FIZ1: variants seen among roughly 807,000 people sequenced by gnomAD.
FIZ1 encodes flt3-interacting zinc finger protein 1.
Under a neutral mutation model 5.3 loss-of-function variants are expected in FIZ1, and 2 were observed. The ratio of observed to expected loss-of-function variants is 0.37; its 90% confidence interval spans 0.15 to 1.18. FIZ1 has a LOEUF of 1.18. FIZ1 is among the 50% of genes most tolerant of loss of function. FIZ1 has a pLI of 0.37. For synonymous variants in FIZ1, 407 were observed against 364.2 expected, an observed-to-expected ratio of 1.12 and a Z score of -1.34; for missense variants, 631 against 749.7, an observed-to-expected ratio of 0.84 and a Z score of 1.85.
intron 2 of FIZ1, among the ~76,000 whole-genome samples, chr19:55,594,215 C>T (rs1980203110): frequency 6.6e-6 from 1 of 151,570 alleles, no homozygotes; most frequent in African/African-American, 2.4e-5. Context: ...ATGGTGAAAC[C>T]CTGCCTTTAC....
chr19:55,597,861 T>A lies in FIZ1; in HGVS notation c.5A>T (p.Asp2Val), dbSNP rs1980404629. 3 of 1,585,298 alleles carry A rather than the reference T, an allele frequency of 1.9e-6. No individual in the cohort carries two copies. In the South Asian group the frequency reaches 3.4e-5, roughly 18 times the overall value. ...TGCAGGGGTTGGGGCGGGGACGTCA[T>A]CCATGGTGGCGGGGAATACAGTGGT... M[D>V]DVPAPTPAPA... is the part of the protein sequence containing the mutation. The change falls in exon 2 of 3, where the codon GAT (aspartate) becomes GTT (valine). Residue 2 changes from aspartate (D) to valine (V), a missense_variant. Asp to Val is a radical substitution (Grantham distance 152, BLOSUM62 -3). Coordinates refer to ENST00000221665, the MANE Select transcript of FIZ1 (RefSeq NM_032836.3).
In FIZ1 at chr19:55,592,933, C is replaced by T. The variant is rs1378908834; in HGVS notation, c.1008G>A (p.Gly336=). ...SEDTLYQCDC[G]TFFASAAALA... ...GGGCCGCGGCCGACGCAAAGAAGGT[C>T]CCGCAGTCGCACTGGTACAGGGTGT... The change falls in exon 3 of 3, where the codon GGG becomes GGA. Residue 336 remains glycine (G), a synonymous_variant. Transcript: ENST00000221665. The surrounding 1 kb of genome is among the most constrained non-coding windows in gnomAD (Gnocchi z 6.9). The T allele has an allele frequency of 1.3e-6, 2 of 1,555,926 alleles. No individual in the cohort carries two copies. The highest frequency in any genetic ancestry group is 1.7e-6 in the Non-Finnish European group (2 of 1,158,970).
chr19:55,598,202 G>T, intron 1 of FIZ1: 1 of 352,852 alleles, frequency 2.8e-6, no homozygotes, highest in Non-Finnish European at 5.3e-6. Flanking sequence ...CCCTCCCACT[G>T]TAATTTAAGC....
Position 55,593,643 on chromosome 19 carries a change from C to T in FIZ1, c.298G>A (p.Val100Ile). The change falls in exon 3 of 3, where the codon GTC becomes ATC. Residue 100 changes from valine to isoleucine, a missense_variant. Coordinates refer to ENST00000221665, the MANE Select transcript of FIZ1 (RefSeq NM_032836.3). The surrounding 1 kb of genome is among the most constrained non-coding windows in gnomAD (Gnocchi z 6.3). ...DSTGLLHHQV[V>I]HTGEKPYCCL... ...CAGTAGGGTTTCTCACCAGTGTGGA[C>T]GACCTAGGGGTGCGGGAGGAAGGGC... 1 of 1,551,208 alleles carries T rather than the reference C, an allele frequency of 6.4e-7. No individual in the cohort carries two copies. The highest frequency in any genetic ancestry group is 8.7e-7 in the Non-Finnish European group (1 of 1,146,956).
intron 2 of FIZ1, among the ~76,000 whole-genome samples, chr19:55,596,696 T>C (rs1160458525): frequency 6.6e-6 from 1 of 152,196 alleles, no homozygotes; most frequent in Non-Finnish European, 1.5e-5. Context: ...GTTTGGAGAC[T>C]GAGTCTCGCT....
chr19:55,593,683 G>A lies in FIZ1; in HGVS notation c.295-37C>T. On this transcript the variant is annotated intron_variant, in intron 2 of 2. Transcript: ENST00000221665. The surrounding 1 kb of genome is among the most constrained non-coding windows in gnomAD (Gnocchi z 6.3). ...GGAGGAAGGGCACAACGTCAGGGCT[G>A]AGAACCTAGCCCGGACAACGGATTC... 6.5e-7 allele frequency: 1 copy of A among 1,532,092 alleles called. No homozygotes were observed. 94.9% of individuals were successfully genotyped at this position (1,532,092 alleles called of 1,614,324 possible). A position where few individuals can be genotyped will look rare whatever the true frequency, so the allele number is the denominator to read the frequency against.
rs750523044 is a variant in FIZ1, at chr19:55,597,805, C to A, written c.61G>T (p.Val21Phe). ...CCACATTCACTGCAGTGAAACGGGA[C>A]CCTGGGGGCGGCAGCGGCGGGCGGT... ...PAPPAAAAPRVPFHCSECGKS... is the reference protein window; with the variant it reads ...PAPPAAAAPRFPFHCSECGKS... The change falls in exon 2 of 3, where the codon GTC becomes TTC. Residue 21 changes from valine to phenylalanine, a missense_variant. Around this residue, in one of 4 missense-constraint regions of FIZ1, gnomAD observed 39 missense variants for 34.3 expected, o/e 1.14. Transcript: ENST00000221665. 1 of 1,613,308 alleles carries A rather than the reference C, an allele frequency of 6.2e-7. No homozygotes were observed. The highest frequency in any genetic ancestry group is 1.3e-5 in the African/African-American group (1 of 74,944).
At chr19:55,594,284 A>T (rs568901357) in intron 2 of FIZ1, among the ~76,000 whole-genome samples, 167 of 152,018 alleles carry the variant, frequency 1.1e-3, no homozygotes, top group African/African-American at 4.0e-3. Flanking sequence ...CTGTAGTCCC[A>T]GCCACTCAGG....
chr19:55,599,022 T>C, intron 1 of FIZ1: 1 of 152,650 alleles, frequency 6.6e-6, no homozygotes, highest in Non-Finnish European at 1.5e-5. Context: ...CTTCCACCCC[T>C]CAATCCAGGG....
chr19:55,597,479 C>A (rs1599991490), intron 2 of FIZ1, 93 bp downstream of exon 2: 1 of 1,470,552 alleles, frequency 6.8e-7, no homozygotes, highest in Non-Finnish European at 9.0e-7. Context: ...AGGCCTTGGG[C>A]CAGCTTCCTT....
At chr19:55,594,073 G>A (rs1980193426) in intron 2 of FIZ1, among the ~76,000 whole-genome samples, 1 of 151,808 alleles carries the variant, frequency 6.6e-6, no homozygotes, top group African/African-American at 2.4e-5. Flanking sequence ...GCATGACAGG[G>A]TGAGACTGTG....
At position 55,593,399 on chromosome 19, in the gene FIZ1, A is replaced by G; in HGVS notation, c.542T>C (p.Leu181Pro). The change falls in exon 3 of 3, where the codon CTG (leucine) becomes CCG (proline). Residue 181 changes from leucine to proline, a missense_variant. Coordinates refer to ENST00000221665, the MANE Select transcript of FIZ1 (RefSeq NM_032836.3). This position sits in a 1 kb window ranked among gnomAD's most constrained non-coding sequence, Gnocchi z 6.3. ...CGCCTCTGCCAGCCCCCAGCTGCCCAGACCCGCGCCTGCCCCCTCGGGGCC... is the reference window on the plus strand; with the variant it reads ...CGCCTCTGCCAGCCCCCAGCTGCCCGGACCCGCGCCTGCCCCCTCGGGGCC... Reference protein sequence around the residue: ...GEGPEGAGAGLGSWGLAEAAA... With the variant: ...GEGPEGAGAGPGSWGLAEAAA... The G allele has an allele frequency of 7.0e-7, 1 of 1,437,438 alleles. No homozygotes were observed. The highest frequency in any genetic ancestry group is 1.5e-5 in the African/African-American group (1 of 66,432). The allele number at this position is 1,437,438 out of a possible 1,614,324, so 89.0% of individuals were successfully genotyped here.
intron 1 of FIZ1, chr19:55,598,109 T>A (rs960024849): frequency 8.2e-6 from 5 of 612,066 alleles, no homozygotes; most frequent in African/African-American, 3.7e-5. Context: ...ATCTTCCTAA[T>A]CACTTCATAG....
At chr19:55,597,539 G>C (rs1781466460) in intron 2 of FIZ1, 33 bp downstream of exon 2, 6 of 1,592,726 alleles carry the variant, frequency 3.8e-6, no homozygotes, top group Non-Finnish European at 5.1e-6. Flanking sequence ...CCTGACCAGG[G>C]AGGCCAGCCT....
rs759519726 is a variant in FIZ1, at chr19:55,597,608, C to T, written c.258G>A (p.Lys86=). 1.7e-5 allele frequency: 27 copies of T among 1,613,044 alleles called. No homozygotes were observed. Among genetic ancestry groups the T allele is most frequent in the East Asian group, 2.2e-5 (1 of 44,872 alleles). The change falls in exon 2 of 3, where the codon AAG becomes AAA. Residue 86 remains lysine (K), a synonymous_variant. Coordinates refer to ENST00000221665, the MANE Select transcript of FIZ1 (RefSeq NM_032836.3). Reference sequence around the variant, plus strand: ...GCAGGCCGGTGGAGTCGCGGAACCCCTTGGGGCAGGCAGAGCAGCGGTAGG... The same window carrying T: ...GCAGGCCGGTGGAGTCGCGGAACCCTTTGGGGCAGGCAGAGCAGCGGTAGG... ...ERPYRCSACP[K]GFRDSTGLLH...
rs1490797856 is a variant in FIZ1 at position 55,592,131 on chromosome 19, T to C, written c.*319A>G. Reference sequence around the variant, plus strand: ...GATGAGAGGTACTTGTGGAGACCCATTGCTCACTGCAAAGTCCCCATGTCT... The same window carrying C: ...GATGAGAGGTACTTGTGGAGACCCACTGCTCACTGCAAAGTCCCCATGTCT... On this transcript the variant is annotated 3_prime_UTR_variant, in exon 3 of 3. Coordinates refer to ENST00000221665, the MANE Select transcript of FIZ1 (RefSeq NM_032836.3). This position sits in a 1 kb window ranked among gnomAD's most constrained non-coding sequence, Gnocchi z 6.9. 10 of 360,712 alleles carry C rather than the reference T, an allele frequency of 2.8e-5. No individual in the cohort carries two copies. The South Asian group carries it at 3.8e-4, about 14-fold the overall frequency. 22.3% of individuals were successfully genotyped at this position (360,712 alleles called of 1,614,324 possible).
At chr19:55,595,754 T>C (rs1165373786) in intron 2 of FIZ1, 1 of 152,250 alleles carries the variant, frequency 6.6e-6, no homozygotes, top group African/African-American at 2.4e-5. Context: ...ACACATTTTG[T>C]TCCCTGGATC....
rs1185909778 is a variant in FIZ1 at position 55,593,116 on chromosome 19, G to T, written c.825C>A (p.Gly275=). 1 of 1,282,230 alleles carries T rather than the reference G, an allele frequency of 7.8e-7. No homozygotes were observed. Among genetic ancestry groups the T allele is most frequent in the Admixed American group, 4.3e-5 (1 of 23,464 alleles). 79.4% of individuals were successfully genotyped at this position (1,282,230 alleles called of 1,614,324 possible). ...CGCCCGCCTCCGCAGCGGTGCCTTC[G>T]CCCGCCGTCTCGGGCCCTGCGCCTG... ...AGPGAGPETA[G]EGTAAEAGDA... The change falls in exon 3 of 3, where the codon GGC becomes GGA. Residue 275 remains glycine (G), a synonymous_variant. Transcript: ENST00000221665. This position sits in a 1 kb window ranked among gnomAD's most constrained non-coding sequence, Gnocchi z 6.3.
In FIZ1 at chr19:55,592,146, T is replaced by A; in HGVS notation, c.*304A>T. 1 of 412,906 alleles carries A rather than the reference T, an allele frequency of 2.4e-6. No homozygotes were observed. The highest frequency in any genetic ancestry group is 4.3e-6 in the Non-Finnish European group (1 of 231,458). 25.6% of individuals were successfully genotyped at this position (412,906 alleles called of 1,614,324 possible). ...TGGAGACCCATTGCTCACTGCAAAG[T>A]CCCCATGTCTTGGGGACTTACGGCT... is the stretch of plus-strand genomic sequence containing the variant. On this transcript the variant is annotated 3_prime_UTR_variant, in exon 3 of 3. Coordinates refer to ENST00000221665, the MANE Select transcript of FIZ1 (RefSeq NM_032836.3). This position sits in a 1 kb window ranked among gnomAD's most constrained non-coding sequence, Gnocchi z 6.9.
Sources: allele counts gnomAD v4.1 joint callset (sites outside exome capture counted in the v4.1 genomes callset), GRCh38; gene constraint gnomAD v4.1.1; regional missense constraint gnomAD v4.1.1; non-coding constraint Gnocchi (gnomAD v3.1); transcripts MANE v1.5; gene names NCBI Gene and HGNC (gene_info 2026-07-23, HGNC 2026-07-21).